Variants in RASSF3 observed in about 807,000 individuals in gnomAD.
RASSF3 encodes Ras association domain family member 3, also known as ras association domain-containing protein 3.
RASSF3 carries 19 observed loss-of-function variants against 19.9 expected under a neutral mutation model. The observed-to-expected ratio is 0.96, with a 90% CI of 0.67 to 1.40. The LOEUF (loss-of-function observed/expected upper bound fraction) is 1.40, where lower values mean the gene tolerates loss of function less well. RASSF3 is among the 40% of genes most tolerant of loss of function. The pLI is 0.00. For missense variants in RASSF3, 306 were observed against 289.8 expected (o/e 1.06, Z -0.41); for synonymous variants, 110 against 104.2 (o/e 1.06, Z -0.34).
chr12:64,692,560 T>C (rs1055971597), intron 4 of RASSF3, among the ~76,000 whole-genome samples: 5 of 152,184 alleles, frequency 3.3e-5, no homozygotes, highest in African/African-American at 7.2e-5. Flanking sequence ...CAGACTCATT[T>C]TGGGGAGAAG....
chr12:64,570,050 C>T (rs1003772152), intron 2 of RASSF3, among the ~76,000 whole-genome samples: 1 of 152,208 alleles, frequency 6.6e-6, no homozygotes, highest in African/African-American at 2.4e-5. Context: ...ATTTGACTTT[C>T]TTCTCCTCAC....
At chr12:64,562,748 G>A (rs1339186316) in intron 2 of RASSF3, among the ~76,000 whole-genome samples, 1 of 152,030 alleles carries the variant, frequency 6.6e-6, no homozygotes, top group Admixed American at 6.6e-5. Flanking sequence ...AGCCTCCCAA[G>A]TAGCTAGGAC....
At chr12:64,690,021 C>A (rs1868258950) in intron 3 of RASSF3, among the ~76,000 whole-genome samples, 1 of 151,744 alleles carries the variant, frequency 6.6e-6, no homozygotes, top group African/African-American at 2.4e-5. Context: ...GATCTCCTGA[C>A]CTTGTGATCC....
At chr12:64,573,265 C>T (rs558367297) in intron 2 of RASSF3, among the ~76,000 whole-genome samples, 1 of 152,278 alleles carries the variant, frequency 6.6e-6, no homozygotes, top group South Asian at 2.1e-4. Flanking sequence ...GAGCTGTTAT[C>T]ACACCACTGC....
At chr12:64,669,842 A>C (rs1872640391) in intron 1 of RASSF3, among the ~76,000 whole-genome samples, 1 of 151,354 alleles carries the variant, frequency 6.6e-6, no homozygotes. Context: ...CAGGTTATAC[A>C]AGCAGCACTT....
intron 1 of RASSF3, among the ~76,000 whole-genome samples, chr12:64,653,407 A>G (rs988822735): frequency 6.6e-6 from 1 of 152,020 alleles, no homozygotes; most frequent in African/African-American, 2.4e-5. Context: ...TCTTAGGGAC[A>G]TCAGTTATAT....
Position 64,605,195 on chromosome 12 carries a change from G to A in RASSF3, c.294+63490G>A, listed in dbSNP as rs375066276. ...GAGATGGGGTATCACCATGTTGGCC[G>A]GGCTGGTCTTGAACTCCTGACCTCA... On this transcript the variant is annotated intron_variant, in intron 2 of 5. Transcript: ENST00000637125. 1.3e-4 allele frequency among the ~76,000 whole-genome samples: 19 copies of A among 150,494 alleles called. No individual in the cohort carries two copies. In the East Asian group the frequency reaches 1.6e-3, roughly 13 times the overall value.
intron 1 of RASSF3, among the ~76,000 whole-genome samples, chr12:64,657,002 G>A (rs1458879365): frequency 6.7e-6 from 1 of 148,242 alleles, no homozygotes; most frequent in Non-Finnish European, 1.5e-5. Flanking sequence ...GTGTTTAATA[G>A]TATAGTTTCT....
intron 1 of RASSF3, among the ~76,000 whole-genome samples, chr12:64,637,013 C>T (rs1871349376): frequency 6.6e-6 from 1 of 152,078 alleles, no homozygotes; most frequent in African/African-American, 2.4e-5. Flanking sequence ...TTGCTTCCTC[C>T]CTACATATAT....
chr12:64,593,612 C>T (rs1869956380), intron 2 of RASSF3, among the ~76,000 whole-genome samples: 1 of 152,112 alleles, frequency 6.6e-6, no homozygotes, highest in Non-Finnish European at 1.5e-5. Context: ...TTTAAACAAA[C>T]AGATTATATA....
At chr12:64,673,271 C>T (rs1872764950) in intron 1 of RASSF3, among the ~76,000 whole-genome samples, 1 of 152,070 alleles carries the variant, frequency 6.6e-6, no homozygotes, top group East Asian at 1.9e-4. Flanking sequence ...TATATATAAT[C>T]TTGAATTTGG....
At chr12:64,687,322 A>T (rs1873396714) in intron 2 of RASSF3, among the ~76,000 whole-genome samples, 1 of 152,160 alleles carries the variant, frequency 6.6e-6, no homozygotes, top group Non-Finnish European at 1.5e-5. Context: ...TGAATACAAA[A>T]ATAAAAATAA....
At chr12:64,621,717 C>T (rs1870775773) in intron 1 of RASSF3, among the ~76,000 whole-genome samples, 1 of 152,214 alleles carries the variant, frequency 6.6e-6, no homozygotes, top group Non-Finnish European at 1.5e-5. Context: ...GGTAATCTAC[C>T]CGCCTGGGCC....
At chr12:64,627,070 A>C (rs1871021541) in intron 1 of RASSF3, among the ~76,000 whole-genome samples, 1 of 152,228 alleles carries the variant, frequency 6.6e-6, no homozygotes, top group African/African-American at 2.4e-5. Flanking sequence ...TAAATCAGAT[A>C]ATGTATGTGG....
rs186418557 is a variant in RASSF3, at chr12:64,595,269, T to C, written c.294+53564T>C. 1.1e-3 allele frequency among the ~76,000 whole-genome samples: 164 copies of C among 152,076 alleles called. 2 individuals are homozygous for C. The highest frequency in any genetic ancestry group is 4.1e-3 in the Admixed American group (62 of 15,248). On this transcript the variant is annotated intron_variant, in intron 2 of 5. Coordinates refer to the RASSF3 transcript ENST00000637125. ...TTTTAGTAGAGAAGGGGTTTCACCA[T>C]GTTGGCCAGGCTGGTCTCGAAGTCC...
At chr12:64,651,474 C>CT (rs1307887229) in intron 1 of RASSF3, among the ~76,000 whole-genome samples, 1 of 152,144 alleles carries the variant, frequency 6.6e-6, no homozygotes. Flanking sequence ...ATTCTCTTGC[C>CT]TCAGCCTCCC....
At chr12:64,585,601 C>CTTTTT (rs35374871) in intron 2 of RASSF3, among the ~76,000 whole-genome samples, 1 of 96,268 alleles carries the variant, frequency 1.0e-5, no homozygotes, top group Non-Finnish European at 2.0e-5. Context: ...TAGGCAAGTC[C>CTTTTT]TTTTTTTTTT....
intron 2 of RASSF3, among the ~76,000 whole-genome samples, chr12:64,556,297 G>A (rs1388382479): frequency 6.6e-6 from 1 of 152,146 alleles, no homozygotes; most frequent in East Asian, 1.9e-4. Context: ...TGGGACTGCA[G>A]GCATGCACAC....
chr12:64,579,186 C>T (rs183618244), intron 2 of RASSF3, among the ~76,000 whole-genome samples: 8 of 152,020 alleles, frequency 5.3e-5, no homozygotes, highest in Admixed American at 2.6e-4. Flanking sequence ...ATGACACAAC[C>T]GTGTTAGAAA....
Sources: gnomAD v4.1 joint callset for allele counts (sites outside exome capture counted in the v4.1 genomes callset) on GRCh38, gnomAD v4.1.1 for gene constraint, MANE v1.5 for transcripts, NCBI Gene and HGNC (gene_info 2026-07-23, HGNC 2026-07-21) for gene names.